Variants in TMEM62 observed in about 807,000 individuals in gnomAD.
TMEM62 encodes the protein transmembrane protein 62.
In TMEM62, 41 loss-of-function variants were observed where a neutral mutation model predicts 70.4. That is an observed-to-expected ratio of 0.58 (90% confidence interval 0.45 to 0.76). TMEM62 has a LOEUF of 0.76. Among genes scored for constraint, TMEM62 ranks in the 30% least tolerant of loss-of-function variants. The pLI is 0.00. For missense variants in TMEM62, 688 were observed against 788.5 expected (o/e 0.87, Z 1.53); for synonymous variants, 268 against 291.0 (o/e 0.92, Z 0.80).
chr15:43,170,466 TAGTC>T lies in TMEM62; in HGVS notation c.1381+791_1381+794del, dbSNP rs1253266117. Among the ~76,000 whole-genome samples, 6 of 152,314 alleles carry T rather than the reference TAGTC, an allele frequency of 3.9e-5. No homozygotes were observed. The East Asian group carries it at 1.2e-3, about 29-fold the overall frequency. ...AGGAATAGATGTCATTGTGAAGTAATAGTCACTCACTTAAACAGAGAGACAATTA... is the reference window on the plus strand; with the variant it reads ...AGGAATAGATGTCATTGTGAAGTAATACTCACTTAAACAGAGAGACAATTA... On this transcript the variant is annotated intron_variant, in intron 11 of 13. Transcript: ENST00000260403.
intron 7 of TMEM62, among the ~76,000 whole-genome samples, chr15:43,151,206 G>A (rs1326416178): frequency 2.0e-5 from 3 of 151,752 alleles, no homozygotes; most frequent in African/African-American, 4.8e-5. Context: ...GTGTGGTGGC[G>A]GGCACCTGTA....
At chr15:43,151,321 A>C (rs1259397059) in intron 7 of TMEM62, among the ~76,000 whole-genome samples, 2 of 142,752 alleles carry the variant, frequency 1.4e-5, no homozygotes, top group South Asian at 4.4e-4. Flanking sequence ...AAAAATAAGA[A>C]AAAAAAAAAA....
At chr15:43,138,797 T>C (rs959363490) in intron 4 of TMEM62, among the ~76,000 whole-genome samples, 178 bp downstream of exon 4, 1 of 152,334 alleles carries the variant, frequency 6.6e-6, no homozygotes, top group East Asian at 1.9e-4. Flanking sequence ...CAGACTCCTG[T>C]GTAGCTGGGG....
chr15:43,149,153 T>C lies in TMEM62; in HGVS notation c.866+2T>C. The C allele has an allele frequency of 6.2e-7, 1 of 1,613,418 alleles. No homozygotes were observed. Among genetic ancestry groups the C allele is most frequent in the South Asian group, 1.1e-5 (1 of 90,890 alleles). ...GGGAGACTGGAAGGATAATAGGAGG[T>C]AAGGGAACCTCCCCATAGAAGAAAA... On this transcript the variant is annotated splice_donor_variant, in intron 7 of 13. Coordinates refer to ENST00000260403, the MANE Select transcript of TMEM62 (RefSeq NM_024956.4). LOFTEE classifies it high-confidence loss of function.
chr15:43,144,822 T>C lies in TMEM62; in HGVS notation c.477-1671T>C, dbSNP rs185826837. On this transcript the variant is annotated intron_variant, in intron 4 of 13. Transcript: ENST00000260403. ...AGTTAGGAGACATGTTCAAAAGTAA[T>C]TAACAGGACTTGGGGCTGAGTGGTT... Among the ~76,000 whole-genome samples the C allele has an allele frequency of 5.9e-5, 9 of 152,266 alleles. No homozygotes were observed. In the East Asian group the frequency reaches 1.5e-3, roughly 26 times the overall value.
At chr15:43,160,652 A>G in intron 9 of TMEM62, 29 bp from the exon 10 acceptor site, 1 of 1,245,766 alleles carries the variant, frequency 8.0e-7, no homozygotes, top group Non-Finnish European at 1.2e-6. Flanking sequence ...TGTACATGAA[A>G]GTTACTTTTC....
intron 4 of TMEM62, among the ~76,000 whole-genome samples, chr15:43,139,133 G>T (rs2035653612): frequency 6.6e-6 from 1 of 152,084 alleles, no homozygotes; most frequent in Admixed American, 6.5e-5. Flanking sequence ...TCTCATTTTG[G>T]TAATTCTCAC....
At chr15:43,134,504 A>G (rs2034921574) in intron 2 of TMEM62, 136 bp downstream of exon 2, 1 of 660,032 alleles carries the variant, frequency 1.5e-6, no homozygotes, top group Non-Finnish European at 2.7e-6. Context: ...GAGGTGGAAG[A>G]GATTGGACAT....
At position 43,184,915 on chromosome 15, in the gene TMEM62, GT is replaced by G. The variant is rs2041749793; in HGVS notation, c.*335del. On this transcript the variant is annotated 3_prime_UTR_variant, in exon 14 of 14. Coordinates refer to ENST00000260403, the MANE Select transcript of TMEM62 (RefSeq NM_024956.4). ...TACGGGAGTGTCTGAGGCCCAGTGT[GT>G]TTTTTAGGGTTACCCCATGTAAAGC... is the stretch of plus-strand genomic sequence containing the variant. 31 of 333,850 alleles carry G rather than the reference GT, an allele frequency of 9.3e-5. No individual in the cohort carries two copies. In the South Asian group the frequency reaches 1.4e-3, roughly 15 times the overall value. 20.7% of individuals were successfully genotyped at this position (333,850 alleles called of 1,614,324 possible). A position where few individuals can be genotyped will look rare whatever the true frequency, so the allele number is the denominator to read the frequency against.
intron 13 of TMEM62, among the ~76,000 whole-genome samples, chr15:43,183,419 G>A (rs984747656): frequency 1.3e-5 from 2 of 152,182 alleles, no homozygotes; most frequent in African/African-American, 2.4e-5. Flanking sequence ...GGGTCCTGCC[G>A]ACTGCCCCAA....
intron 3 of TMEM62, 37 bp downstream of exon 3, chr15:43,135,686 T>A: frequency 2.0e-6 from 3 of 1,533,534 alleles, no homozygotes; most frequent in Non-Finnish European, 2.6e-6. Flanking sequence ...AAGACAAGAG[T>A]TTTTTTCCCC....
chr15:43,178,372 A>G (rs2040991623), intron 11 of TMEM62, among the ~76,000 whole-genome samples: 2 of 152,188 alleles, frequency 1.3e-5, no homozygotes, highest in Non-Finnish European at 2.9e-5. Flanking sequence ...TATATAAAAT[A>G]TCTCACAACT....
intron 8 of TMEM62, among the ~76,000 whole-genome samples, chr15:43,153,658 TTGTGTGTGTGTGTGTG>T (rs71431882): frequency 2.0e-5 from 3 of 149,804 alleles, no homozygotes; most frequent in Non-Finnish European, 4.5e-5. Context: ...CCATTGTACA[TTGTGTGTGTGTGTGTG>T]TGTGTGTGTG....
chr15:43,164,085 TG>T (rs762671464), intron 10 of TMEM62, among the ~76,000 whole-genome samples: 7 of 152,208 alleles, frequency 4.6e-5, no homozygotes, highest in African/African-American at 7.2e-5. Flanking sequence ...ACAATGAAAG[TG>T]GACTATTTTA....
intron 4 of TMEM62, among the ~76,000 whole-genome samples, chr15:43,145,048 G>A (rs2036484457): frequency 2.2e-5 from 3 of 138,490 alleles, no homozygotes; most frequent in African/African-American, 8.1e-5. Context: ...AGCTTGCAGT[G>A]AGCCAAGATC....
At chr15:43,152,046 T>C in intron 8 of TMEM62, 101 bp downstream of exon 8, 5 of 829,542 alleles carry the variant, frequency 6.0e-6, no homozygotes, top group Non-Finnish European at 8.9e-6. Flanking sequence ...TGCCCCATTT[T>C]AGTTTTCTCA....
chr15:43,137,266 G>A (rs537195149), intron 3 of TMEM62, among the ~76,000 whole-genome samples: 1 of 152,296 alleles, frequency 6.6e-6, no homozygotes, highest in South Asian at 2.1e-4. Flanking sequence ...GATCAGGCAT[G>A]AATCCACTTC....
chr15:43,166,197 G>A (rs1196826223), intron 10 of TMEM62, among the ~76,000 whole-genome samples: 1 of 152,244 alleles, frequency 6.6e-6, no homozygotes, highest in Non-Finnish European at 1.5e-5. Context: ...TGGTGGGCTT[G>A]GGTAAGAACT....
At chr15:43,167,169 C>G (rs1417585205) in intron 10 of TMEM62, among the ~76,000 whole-genome samples, 1 of 149,788 alleles carries the variant, frequency 6.7e-6, no homozygotes, top group African/African-American at 2.5e-5. Context: ...GGGGGGCTGA[C>G]CCCCCCACCT....
Sources: gnomAD v4.1 joint callset for allele counts (sites outside exome capture counted in the v4.1 genomes callset) on GRCh38, gnomAD v4.1.1 for gene constraint, MANE v1.5 for transcripts, NCBI Gene and HGNC (gene_info 2026-07-23, HGNC 2026-07-21) for gene names.